Variants in RSAD2 observed in about 807,000 individuals in gnomAD.
The protein encoded by RSAD2 is S-adenosylmethionine-dependent nucleotide dehydratase RSAD2.
In RSAD2, 38 loss-of-function variants were observed where a neutral mutation model predicts 37.7. The ratio of observed to expected loss-of-function variants is 1.01; its 90% confidence interval spans 0.78 to 1.32. The LOEUF is 1.32. RSAD2 is among the 40% of genes most tolerant of loss of function. The probability of loss-of-function intolerance (pLI) is 0.00; values close to 1 mark genes in which losing one functional copy is unlikely to be tolerated. For synonymous variants in RSAD2, 163 were observed against 157.4 expected, an observed-to-expected ratio of 1.04 and a Z score of -0.27; for missense variants, 428 against 437.5, an observed-to-expected ratio of 0.98 and a Z score of 0.19.
chr2:6,877,271 C>G (rs974233788), upstream of RSAD2: 1 of 152,498 alleles, frequency 6.6e-6, no homozygotes, highest in African/African-American at 2.4e-5. Context: ...TGTTCCATGC[C>G]TTTTTACTGT....
intron 1 of RSAD2, among the ~76,000 whole-genome samples, chr2:6,870,717 T>G (rs1361588327): frequency 6.6e-6 from 1 of 152,168 alleles, no homozygotes; most frequent in Non-Finnish European, 1.5e-5. Context: ...GGAGAGGACT[T>G]TCCCTGTTGG....
At chr2:6,886,652 GA>G (rs1663527683) in intron 2 of RSAD2, among the ~76,000 whole-genome samples, 1 of 152,172 alleles carries the variant, frequency 6.6e-6, no homozygotes, top group Non-Finnish European at 1.5e-5. Context: ...AGGAATAAAT[GA>G]AAAACCTCAT....
At chr2:6,885,702 T>C (rs1663504124) in intron 2 of RSAD2, among the ~76,000 whole-genome samples, 1 of 152,226 alleles carries the variant, frequency 6.6e-6, no homozygotes, top group Non-Finnish European at 1.5e-5. Flanking sequence ...AGCAATTGAC[T>C]TACAGATCCT....
At position 6,883,413 on chromosome 2, in the gene RSAD2, A is replaced by C. The variant is rs1401521664; in HGVS notation, c.389A>C (p.Gln130Pro). 1 of 1,614,198 alleles carries C rather than the reference A, an allele frequency of 6.2e-7. No homozygotes were observed. The highest frequency in any genetic ancestry group is 8.5e-7 in the Non-Finnish European group (1 of 1,180,044). ...TTTTCAGGTGGAGAGCCATTTCTTC[A>C]AGACCGGGGAGAATACCTGGGCAAG... Reference protein sequence around the residue: ...INFSGGEPFLQDRGEYLGKLV... With the variant: ...INFSGGEPFLPDRGEYLGKLV... Residue 130 changes from glutamine (Q) to proline (P), a missense_variant, in exon 2 of 6, where the codon CAA becomes CCA. Coordinates refer to ENST00000382040, the MANE Select transcript of RSAD2 (RefSeq NM_080657.5).
At position 6,897,298 on chromosome 2, in the gene RSAD2, A is replaced by T. The variant is rs1475861005; in HGVS notation, c.*1356A>T. The T allele has an allele frequency of 6.6e-6, 1 of 152,218 alleles. No individual in the cohort carries two copies. Among genetic ancestry groups the T allele is most frequent in the Admixed American group, 6.5e-5 (1 of 15,282 alleles). The allele number at this position is 152,218 out of a possible 1,614,324, so 9.4% of individuals were successfully genotyped here. ...AAATCATGGAAAATTTTTGTTGTCC[A>T]GGCAAATAAAAGGTCATTTTAATTT... On this transcript the variant is annotated 3_prime_UTR_variant, in exon 6 of 6. Transcript: ENST00000382040.
At chr2:6,879,030 G>T (rs1663347459) in intron 1 of RSAD2, 1 of 459,080 alleles carries the variant, frequency 2.2e-6, no homozygotes, top group African/African-American at 2.0e-5. Flanking sequence ...CTGCACTCCA[G>T]CCACTACCCT....
chr2:6,883,954 A>G lies in RSAD2; in HGVS notation c.508+422A>G, dbSNP rs149088083. On this transcript the variant is annotated intron_variant, in intron 2 of 5. Transcript: ENST00000382040. ...GGATTAGCCAAGGTGGAGGGCTCCAAGGGATTCCACCATGTAGCCAGGATT... is the reference window on the plus strand; with the variant it reads ...GGATTAGCCAAGGTGGAGGGCTCCAGGGGATTCCACCATGTAGCCAGGATT... 6.1e-3 allele frequency: 997 copies of G among 162,936 alleles called. 25 individuals carry two copies. Among genetic ancestry groups the G allele is most frequent in the Admixed American group, 0.034 (582 of 16,878 alleles). 10.1% of individuals were successfully genotyped at this position (162,936 alleles called of 1,614,324 possible). A position where few individuals can be genotyped will look rare whatever the true frequency, so the allele number is the denominator to read the frequency against.
At chr2:6,871,137 C>G (rs1663197376) in intron 1 of RSAD2, among the ~76,000 whole-genome samples, 2 of 152,182 alleles carry the variant, frequency 1.3e-5, no homozygotes, top group African/African-American at 4.8e-5. Context: ...CATCATCTCT[C>G]TTCGGGAAAA....
chr2:6,883,784 A>G (rs1663463368), intron 2 of RSAD2: 2 of 436,678 alleles, frequency 4.6e-6, no homozygotes, highest in South Asian at 3.8e-5. Context: ...TATCTTGTAC[A>G]TTGCAATTTA....
chr2:6,889,940 A>G (rs1663597355), intron 3 of RSAD2, among the ~76,000 whole-genome samples: 1 of 152,270 alleles, frequency 6.6e-6, no homozygotes, highest in African/African-American at 2.4e-5. Flanking sequence ...TCAATCAAAC[A>G]TAATCTAGAC....
intron 4 of RSAD2, among the ~76,000 whole-genome samples, chr2:6,893,294 A>G (rs1033179066): frequency 5.9e-5 from 9 of 152,198 alleles, no homozygotes; most frequent in African/African-American, 2.2e-4. Context: ...TGCTTTATAC[A>G]TTGAAAAGGG....
upstream of RSAD2, chr2:6,877,530 TA>T: frequency 2.1e-6 from 1 of 468,452 alleles, no homozygotes; most frequent in East Asian, 3.8e-5. Context: ...TACATCAAGC[TA>T]GAGAGACTGT....
At chr2:6,867,856 A>G (rs961892398) in intron 1 of RSAD2, among the ~76,000 whole-genome samples, 3 of 152,254 alleles carry the variant, frequency 2.0e-5, no homozygotes, top group African/African-American at 4.8e-5. Context: ...AAAGTTAATA[A>G]CACTGCAGTA....
At chr2:6,867,730 T>C (rs1663128784) in intron 1 of RSAD2, among the ~76,000 whole-genome samples, 1 of 152,216 alleles carries the variant, frequency 6.6e-6, no homozygotes, top group Admixed American at 6.5e-5. Context: ...AACTTTTCTC[T>C]GAGCCTCCAA....
At position 6,878,793 on chromosome 2, in the gene RSAD2, C is replaced by T. The variant is rs138151790; in HGVS notation, c.346+647C>T. 96 of 1,186,520 alleles carry T rather than the reference C, an allele frequency of 8.1e-5. No individual in the cohort carries two copies. The Middle Eastern group carries it at 1.3e-3, about 16-fold the overall frequency. 73.5% of individuals were successfully genotyped at this position (1,186,520 alleles called of 1,614,324 possible). On this transcript the variant is annotated intron_variant, in intron 1 of 5. Coordinates refer to ENST00000382040, the MANE Select transcript of RSAD2 (RefSeq NM_080657.5). Reference sequence around the variant, plus strand: ...TCCACTCCAGATCTGTTCTGCCTTCCGTCCTTGTCTTCCTGTCTTTCCTAG... The same window carrying T: ...TCCACTCCAGATCTGTTCTGCCTTCTGTCCTTGTCTTCCTGTCTTTCCTAG...
chr2:6,890,891 C>T (rs559374585), intron 4 of RSAD2, among the ~76,000 whole-genome samples: 3 of 151,936 alleles, frequency 2.0e-5, no homozygotes, highest in Non-Finnish European at 4.4e-5. Flanking sequence ...TGTGGAGCTT[C>T]AGGTATAACT....
chr2:6,890,652 G>A (rs999710318), intron 4 of RSAD2, among the ~76,000 whole-genome samples: 1 of 152,118 alleles, frequency 6.6e-6, no homozygotes, highest in African/African-American at 2.4e-5. Context: ...TGTCATACAT[G>A]CATGACATAA....
At position 6,898,219 on chromosome 2, in the gene RSAD2, C is replaced by G. The variant is rs1437613876; in HGVS notation, c.*2277C>G. ...GAATGTAATGTAAAGTGAAATAAAA[C>G]TATAAGCTATGTTAAATACATTTTC... On this transcript the variant is annotated 3_prime_UTR_variant, in exon 6 of 6. Transcript: ENST00000382040. The G allele has an allele frequency of 1.3e-5, 2 of 152,132 alleles. No individual in the cohort carries two copies. Among genetic ancestry groups the G allele is most frequent in the African/African-American group, 4.8e-5 (2 of 41,428 alleles). 9.4% of individuals were successfully genotyped at this position (152,132 alleles called of 1,614,324 possible).
intron 1 of RSAD2, among the ~76,000 whole-genome samples, chr2:6,871,327 A>G (rs1214625727): frequency 1.3e-5 from 2 of 152,178 alleles, no homozygotes; most frequent in Non-Finnish European, 2.9e-5. Flanking sequence ...TTCCTCTTTC[A>G]GGTTTTCACC....
Sources: allele counts gnomAD v4.1 joint callset (sites outside exome capture counted in the v4.1 genomes callset), GRCh38; gene constraint gnomAD v4.1.1; transcripts MANE v1.5; gene names NCBI Gene and HGNC (gene_info 2026-07-23, HGNC 2026-07-21).